Variants in ZNF25 observed in about 807,000 individuals in gnomAD.
ZNF25 encodes zinc finger protein 25, also known as zinc finger protein 25 (KOX 19).
In ZNF25, 21 loss-of-function variants were observed where a neutral mutation model predicts 30.9. The ratio of observed to expected loss-of-function variants is 0.68; its 90% confidence interval spans 0.48 to 0.98. The LOEUF is 0.98. Ranked by LOEUF, ZNF25 falls within the 50% of genes least tolerant of loss-of-function variation. The probability of loss-of-function intolerance (pLI) is 0.00; values close to 1 mark genes in which losing one functional copy is unlikely to be tolerated. For synonymous variants in ZNF25, 169 were observed against 181.3 expected (o/e 0.93, Z 0.55); for missense variants, 501 against 529.9 (o/e 0.95, Z 0.54).
At chr10:37,962,878 T>C (rs2062966114) in intron 2 of ZNF25, among the ~76,000 whole-genome samples, 1 of 152,012 alleles carries the variant, frequency 6.6e-6, no homozygotes, top group Admixed American at 6.6e-5. Context: ...CTAAGATAAA[T>C]AATATTACCT....
intron 2 of ZNF25, 63 bp from the exon 3 acceptor site, chr10:37,957,609 A>C: frequency 1.3e-6 from 2 of 1,557,444 alleles, no homozygotes; most frequent in South Asian, 2.5e-5. Context: ...CATTGAAAAG[A>C]CATGTGAACT....
chr10:37,974,137 T>G (rs2063662249), intron 1 of ZNF25, among the ~76,000 whole-genome samples: 1 of 152,166 alleles, frequency 6.6e-6, no homozygotes, highest in African/African-American at 2.4e-5. Flanking sequence ...GATAGTGGAT[T>G]AAAGAGTTAA....
At chr10:37,969,327 T>C (rs2063357933) in intron 2 of ZNF25, among the ~76,000 whole-genome samples, 1 of 152,200 alleles carries the variant, frequency 6.6e-6, no homozygotes, top group Non-Finnish European at 1.5e-5. Flanking sequence ...TGAATTTGCA[T>C]AACAGCATTA....
In ZNF25 at chr10:37,952,783, A is replaced by G. The variant is rs770646908; in HGVS notation, c.715T>C (p.Phe239Leu). The change falls in exon 6 of 6, where the codon TTC (phenylalanine) becomes CTC (leucine). Residue 239 changes from phenylalanine (F) to leucine (L), a missense_variant. Physicochemically the swap from Phe to Leu is conservative, Grantham distance 22 (BLOSUM62 0). Coordinates refer to ENST00000302609, the MANE Select transcript of ZNF25 (RefSeq NM_145011.4). ...PFECTECGKF[F>L]YVKAYLMVHQ... ...ACCATGAGGTATGCCTTCACATAGAAGAACTTCCCACATTCAGTACATTCA... is the reference window on the plus strand; with the variant it reads ...ACCATGAGGTATGCCTTCACATAGAGGAACTTCCCACATTCAGTACATTCA... 1.2e-6 allele frequency: 2 copies of G among 1,613,960 alleles called. No homozygotes were observed. Among genetic ancestry groups the G allele is most frequent in the Non-Finnish European group, 8.5e-7 (1 of 1,179,972 alleles).
At position 37,963,402 on chromosome 10, in the gene ZNF25, G is replaced by A. The variant is rs139878787; in HGVS notation, c.16-5856C>T. ...CTCCCAAAGTGCTGGGATTATAGGC[G>A]AGAGCCACTGTGCCCAGCCTCAGTG... On this transcript the variant is annotated intron_variant, in intron 2 of 5. Coordinates refer to ENST00000302609, the MANE Select transcript of ZNF25 (RefSeq NM_145011.4). Among the ~76,000 whole-genome samples the A allele has an allele frequency of 9.3e-3, 1,415 of 152,252 alleles. 22 individuals carry two copies. The highest frequency in any genetic ancestry group is 0.032 in the African/African-American group (1,346 of 41,548).
intron 2 of ZNF25, among the ~76,000 whole-genome samples, chr10:37,961,922 CAAAAAAA>C (rs71533129): frequency 2.6e-5 from 1 of 39,080 alleles, no homozygotes; most frequent in African/African-American, 1.0e-4. Flanking sequence ...AACTCCATCT[CAAAAAAA>C]AAAAAAAAAA....
intron 1 of ZNF25, 39 bp from the exon 2 acceptor site, chr10:37,971,846 TAC>T: frequency 1.5e-6 from 2 of 1,345,714 alleles, no homozygotes; most frequent in Non-Finnish European, 1.1e-6. Context: ...GTAAAATATA[TAC>T]CTTTGAGAAA....
chr10:37,966,280 G>A (rs1047507857), intron 2 of ZNF25, among the ~76,000 whole-genome samples: 1 of 152,042 alleles, frequency 6.6e-6, no homozygotes. Flanking sequence ...CAGGCATGGT[G>A]GCATGCACCT....
At chr10:37,966,417 TAA>T (rs35782288) in intron 2 of ZNF25, among the ~76,000 whole-genome samples, 8 of 135,864 alleles carry the variant, frequency 5.9e-5, no homozygotes, top group African/African-American at 1.9e-4. Context: ...CCATCTCAAT[TAA>T]AAAAAAAAAA....
At chr10:37,957,629 T>C (rs2062615767) in intron 2 of ZNF25, 83 bp from the exon 3 acceptor site, 1 of 1,430,318 alleles carries the variant, frequency 7.0e-7, no homozygotes, top group Non-Finnish European at 9.3e-7. Context: ...TAGCTCTTAG[T>C]GTACTAACTG....
intron 1 of ZNF25, 41 bp from the exon 2 acceptor site, chr10:37,971,848 C>T: frequency 7.5e-7 from 1 of 1,340,598 alleles, no homozygotes; most frequent in Non-Finnish European, 1.1e-6. Context: ...AAAATATATA[C>T]CTTTGAGAAA....
At chr10:37,961,160 C>T (rs1309438004) in intron 2 of ZNF25, among the ~76,000 whole-genome samples, 1 of 152,146 alleles carries the variant, frequency 6.6e-6, no homozygotes, top group East Asian at 1.9e-4. Context: ...AATTGGGCAA[C>T]ATGATTACTT....
intron 2 of ZNF25, among the ~76,000 whole-genome samples, chr10:37,967,608 A>T (rs927158859): frequency 8.6e-5 from 13 of 151,998 alleles, no homozygotes; most frequent in African/African-American, 2.4e-4. Flanking sequence ...GGGTCTTGTC[A>T]TGTTGCCCAG....
At chr10:37,961,973 A>G (rs1374180160) in intron 2 of ZNF25, among the ~76,000 whole-genome samples, 2 of 151,114 alleles carry the variant, frequency 1.3e-5, no homozygotes, top group East Asian at 3.9e-4. Context: ...GCAATGGCTC[A>G]TGCCTGTAAT....
In ZNF25 at chr10:37,950,760, G is replaced by C. The variant is rs2062099703; in HGVS notation, c.*1367C>G. 6.6e-6 allele frequency: 1 copy of C among 152,068 alleles called. No individual in the cohort carries two copies. The highest frequency in any genetic ancestry group is 6.6e-5 in the Admixed American group (1 of 15,260). The allele number at this position is 152,068 out of a possible 1,614,324, so 9.4% of individuals were successfully genotyped here. ...GGGAACTGAGGCACAGAGATATTAAGTAGCATGCCCCATGCTGGAATCGGG... is the reference window on the plus strand; with the variant it reads ...GGGAACTGAGGCACAGAGATATTAACTAGCATGCCCCATGCTGGAATCGGG... On this transcript the variant is annotated 3_prime_UTR_variant, in exon 6 of 6. Transcript: ENST00000302609.
At chr10:37,953,514 C>T (rs1012629329) in intron 5 of ZNF25, 181 bp downstream of exon 5, 31 of 638,996 alleles carry the variant, frequency 4.9e-5, no homozygotes, top group Non-Finnish European at 6.7e-5. Flanking sequence ...TTCAATCTCC[C>T]GATCCTGCAC....
intron 4 of ZNF25, among the ~76,000 whole-genome samples, chr10:37,954,591 C>T (rs887329492): frequency 7.2e-5 from 11 of 152,170 alleles, no homozygotes; most frequent in African/African-American, 2.7e-4. Context: ...ACTCATGACT[C>T]AACACTAGTC....
intron 1 of ZNF25, among the ~76,000 whole-genome samples, chr10:37,973,593 T>C (rs2063619856): frequency 1.2e-5 from 1 of 83,224 alleles, no homozygotes; most frequent in Non-Finnish European, 2.5e-5. Flanking sequence ...TGAGCCCTTG[T>C]CTCAAAAAAA....
Position 37,952,468 on chromosome 10 carries a change from A to C in ZNF25, c.1030T>G (p.Cys344Gly). ...TAAAATGTTTTCCCACATTTATTAC[A>C]TTCAAAGGGTTTCTCCCCTGTGTGA... Reference protein sequence around the residue: ...RTHTGEKPFECNKCGKTFYYK... With the variant: ...RTHTGEKPFEGNKCGKTFYYK... Residue 344 changes from cysteine to glycine, a missense_variant, in exon 6 of 6, where the codon TGT (cysteine) becomes GGT (glycine). Coordinates refer to ENST00000302609, the MANE Select transcript of ZNF25 (RefSeq NM_145011.4). The C allele has an allele frequency of 6.2e-7, 1 of 1,614,046 alleles. No homozygotes were observed. The highest frequency in any genetic ancestry group is 8.5e-7 in the Non-Finnish European group (1 of 1,179,954).
Sources: allele counts gnomAD v4.1 joint callset (sites outside exome capture counted in the v4.1 genomes callset), GRCh38; gene constraint gnomAD v4.1.1; transcripts MANE v1.5; gene names NCBI Gene and HGNC (gene_info 2026-07-23, HGNC 2026-07-21).